Variants in PCDH9 observed in about 807,000 individuals in gnomAD.
PCDH9 encodes protocadherin 9, also known as protocadherin-9.
In PCDH9, 24 loss-of-function variants were observed where a neutral mutation model predicts 70.6. That is an observed-to-expected ratio of 0.34 (90% CI 0.25 to 0.48). The LOEUF is 0.48. PCDH9 is among the 20% of genes least tolerant of loss of function. PCDH9 has a pLI of 0.99. For missense variants in PCDH9, 1,281 were observed against 1,503.6 expected, an observed-to-expected ratio of 0.85 and a Z score of 2.45; for synonymous variants, 562 against 558.5, an observed-to-expected ratio of 1.01 and a Z score of -0.09.
At chr13:67,174,318 C>G (rs9599194) in intron 2 of PCDH9, among the ~76,000 whole-genome samples, 8,637 of 147,056 alleles carry the variant, frequency 0.059, 406 homozygotes, top group Admixed American at 0.14. Context: ...TAGATAGATA[C>G]ATACATACAT....
intron 2 of PCDH9, chr13:67,207,005 G>T (rs1042494907): frequency 6.6e-6 from 1 of 152,084 alleles, no homozygotes. Context: ...CTGCCTAAAA[G>T]ATACAAATGC....
chr13:66,908,187 C>T (rs1322705816), intron 2 of PCDH9, among the ~76,000 whole-genome samples: 1 of 152,206 alleles, frequency 6.6e-6, no homozygotes, highest in Non-Finnish European at 1.5e-5. Context: ...CTGCTACCAT[C>T]ACCTATGGTT....
At chr13:67,048,890 C>G (rs2085272027) in intron 2 of PCDH9, among the ~76,000 whole-genome samples, 1 of 152,132 alleles carries the variant, frequency 6.6e-6, no homozygotes, top group African/African-American at 2.4e-5. Context: ...CATGAAGGCC[C>G]AGGACAGCTT....
intron 2 of PCDH9, among the ~76,000 whole-genome samples, chr13:66,934,256 G>A (rs1027471685): frequency 6.6e-6 from 1 of 152,104 alleles, no homozygotes; most frequent in South Asian, 2.1e-4. Context: ...ACTTGCCCGG[G>A]TGCGGTGACT....
At chr13:66,440,803 C>G (rs910862285) in intron 4 of PCDH9, among the ~76,000 whole-genome samples, 1 of 152,098 alleles carries the variant, frequency 6.6e-6, no homozygotes, top group South Asian at 2.1e-4. Flanking sequence ...TATTCTTATT[C>G]CTATTTTCTG....
chr13:66,683,812 C>T (rs1417104423), intron 3 of PCDH9, among the ~76,000 whole-genome samples: 1 of 151,760 alleles, frequency 6.6e-6, no homozygotes, highest in Non-Finnish European at 1.5e-5. Context: ...TCCCTCCCCA[C>T]CTTATTCACA....
intron 4 of PCDH9, among the ~76,000 whole-genome samples, chr13:66,370,694 T>C (rs1021958305): frequency 1.3e-5 from 2 of 151,742 alleles, no homozygotes; most frequent in Non-Finnish European, 2.9e-5. Context: ...AAAAAATTTA[T>C]GTAGAGACAA....
chr13:66,635,069 A>C (rs1290184027), intron 3 of PCDH9, among the ~76,000 whole-genome samples: 1 of 152,162 alleles, frequency 6.6e-6, no homozygotes, highest in Non-Finnish European at 1.5e-5. Flanking sequence ...ATTTTGATTC[A>C]TCTTTATGGA....
At chr13:66,443,351 G>A (rs891560753) in intron 4 of PCDH9, among the ~76,000 whole-genome samples, 2 of 152,094 alleles carry the variant, frequency 1.3e-5, no homozygotes, top group Non-Finnish European at 2.9e-5. Context: ...AAAGGGCATA[G>A]CATTTTAAAT....
chr13:66,829,050 C>T (rs1463232833), intron 3 of PCDH9, among the ~76,000 whole-genome samples: 1 of 151,778 alleles, frequency 6.6e-6, no homozygotes, highest in Non-Finnish European at 1.5e-5. Context: ...GACGGAGTTT[C>T]GCACTTGTCC....
intron 4 of PCDH9, among the ~76,000 whole-genome samples, chr13:66,481,966 A>ACAC (rs1958848920): frequency 3.3e-5 from 5 of 151,856 alleles, no homozygotes; most frequent in African/African-American, 1.2e-4. Context: ...ACACACACAC[A>ACAC]AAATCAATCA....
At chr13:66,740,699 A>T (rs1029231374) in intron 3 of PCDH9, among the ~76,000 whole-genome samples, 1 of 151,988 alleles carries the variant, frequency 6.6e-6, no homozygotes, top group Non-Finnish European at 1.5e-5. Flanking sequence ...ACCATCAGAG[A>T]ATACTACAAA....
At chr13:66,413,385 G>T (rs895050761) in intron 4 of PCDH9, among the ~76,000 whole-genome samples, 1 of 152,072 alleles carries the variant, frequency 6.6e-6, no homozygotes, top group African/African-American at 2.4e-5. Context: ...AGATTAAATT[G>T]TCTAAGAATC....
intron 4 of PCDH9, among the ~76,000 whole-genome samples, chr13:66,317,337 C>G (rs935709238): frequency 1.3e-5 from 2 of 152,102 alleles, no homozygotes; most frequent in Non-Finnish European, 2.9e-5. Flanking sequence ...CACCTCTAAC[C>G]TGTACATGAG....
intron 2 of PCDH9, among the ~76,000 whole-genome samples, chr13:67,132,788 A>T (rs1031616148): frequency 6.6e-6 from 1 of 152,108 alleles, no homozygotes; most frequent in African/African-American, 2.4e-5. Flanking sequence ...GGTCAATAAA[A>T]TTCAAGAATT....
intron 4 of PCDH9, among the ~76,000 whole-genome samples, chr13:66,321,588 T>G (rs1955755838): frequency 6.6e-6 from 1 of 151,996 alleles, no homozygotes; most frequent in Non-Finnish European, 1.5e-5. Flanking sequence ...TAAGATGGTC[T>G]GTTAAATATA....
intron 4 of PCDH9, among the ~76,000 whole-genome samples, chr13:66,433,701 G>A (rs1957815799): frequency 1.3e-5 from 2 of 151,518 alleles, no homozygotes; most frequent in Non-Finnish European, 3.0e-5. Flanking sequence ...TGCTATGCTA[G>A]GTATTGAAAA....
In PCDH9 at chr13:66,466,240, GAGA is replaced by G. The variant is rs3040232; in HGVS notation, c.3341-161215_3341-161213del. On this transcript the variant is annotated intron_variant, in intron 4 of 4. Coordinates refer to ENST00000377865, the MANE Select transcript of PCDH9 (RefSeq NM_203487.3). ...CAGTCCTCCCCAACCATGCACAAGT[GAGA>G]AGAAGTTAGAAATATCTTTTACTGT... Among the ~76,000 whole-genome samples, 227 of 150,882 alleles carry G rather than the reference GAGA, an allele frequency of 1.5e-3. 1 individual carries two copies. The highest frequency in any genetic ancestry group is 5.2e-3 in the African/African-American group (216 of 41,212).
chr13:66,531,653 G>C (rs1001292418), intron 4 of PCDH9, among the ~76,000 whole-genome samples: 1 of 151,960 alleles, frequency 6.6e-6, no homozygotes, highest in Admixed American at 6.6e-5. Flanking sequence ...AAATTGTTTG[G>C]GGTGGTCCAT....
Sources: allele counts gnomAD v4.1 joint callset (sites outside exome capture counted in the v4.1 genomes callset), GRCh38; gene constraint gnomAD v4.1.1; transcripts MANE v1.5; gene names NCBI Gene and HGNC (gene_info 2026-07-23, HGNC 2026-07-21).